The following SHTN1 variants were observed in gnomAD, a reference collection of about 807,000 sequenced individuals.
SHTN1 encodes shootin-1.
In SHTN1, 42 loss-of-function variants were observed where a neutral mutation model predicts 83.1. That is an observed-to-expected ratio of 0.51 (90% CI 0.39 to 0.65). The LOEUF (loss-of-function observed/expected upper bound fraction) is 0.65. SHTN1 is among the 30% of genes least tolerant of loss of function. SHTN1 has a pLI of 0.00. For missense variants in SHTN1, 622 were observed against 737.8 expected (o/e 0.84, Z 1.82); for synonymous variants, 224 against 247.7 (o/e 0.90, Z 0.90).
intron 1 of SHTN1, among the ~76,000 whole-genome samples, chr10:117,074,964 G>T (rs1853131535): frequency 6.6e-6 from 1 of 151,606 alleles, no homozygotes; most frequent in Non-Finnish European, 1.5e-5. Flanking sequence ...GGACATTCAG[G>T]GAATTTAGGA....
chr10:117,117,432 A>T (rs569098903), intron 1 of SHTN1, among the ~76,000 whole-genome samples: 1 of 152,258 alleles, frequency 6.6e-6, no homozygotes, highest in East Asian at 1.9e-4. Context: ...TTCCATGCTC[A>T]TGGGGAAGAA....
chr10:117,031,459 A>G (rs188416766), intron 2 of SHTN1, among the ~76,000 whole-genome samples: 1 of 152,344 alleles, frequency 6.6e-6, no homozygotes, highest in East Asian at 1.9e-4. Flanking sequence ...ACAGAATATT[A>G]TAACACTGTA....
intron 1 of SHTN1, among the ~76,000 whole-genome samples, chr10:117,050,017 A>T (rs919347893): frequency 2.6e-5 from 4 of 152,110 alleles, no homozygotes; most frequent in Admixed American, 6.6e-5. Context: ...AACAGAAATA[A>T]ATGAAACTGA....
intron 9 of SHTN1, among the ~76,000 whole-genome samples, chr10:116,931,135 CAAAAA>C (rs57720678): frequency 7.6e-6 from 1 of 131,170 alleles, no homozygotes; most frequent in African/African-American, 2.9e-5. Context: ...CAAAAGTCTT[CAAAAA>C]AAAAAAAAAA....
chr10:116,899,100 A>C (rs1485075685), intron 16 of SHTN1, among the ~76,000 whole-genome samples: 1 of 152,220 alleles, frequency 6.6e-6, no homozygotes, highest in African/African-American at 2.4e-5. Flanking sequence ...GCCTACCATA[A>C]GGCAGGAATT....
chr10:116,919,008 A>G (rs1454272864), intron 12 of SHTN1, among the ~76,000 whole-genome samples: 2 of 152,304 alleles, frequency 1.3e-5, no homozygotes, highest in Admixed American at 6.5e-5. Flanking sequence ...TTTTAGAGCC[A>G]TAAGTAAGGA....
intron 2 of SHTN1, among the ~76,000 whole-genome samples, chr10:117,039,241 A>G (rs1852547363): frequency 6.6e-6 from 1 of 152,226 alleles, no homozygotes; most frequent in Non-Finnish European, 1.5e-5. Context: ...GCCAATCTGA[A>G]AAGACTTACT....
intron 8 of SHTN1, among the ~76,000 whole-genome samples, chr10:116,944,291 A>G (rs1234724281): frequency 6.6e-6 from 1 of 152,188 alleles, no homozygotes; most frequent in Non-Finnish European, 1.5e-5. Context: ...ATAGCATTTT[A>G]TAGTTTATAC....
intron 11 of SHTN1, among the ~76,000 whole-genome samples, chr10:116,925,604 AT>A (rs556310278): frequency 9.9e-4 from 151 of 152,230 alleles, no homozygotes; most frequent in African/African-American, 3.2e-3. Flanking sequence ...ATATCTGCCT[AT>A]ATCTGTATCT....
chr10:117,007,554 C>CAAAAAAA, upstream of SHTN1, among the ~76,000 whole-genome samples: 1 of 16,370 alleles, frequency 6.1e-5, no homozygotes, highest in Non-Finnish European at 1.2e-4. Context: ...GACTCCATCT[C>CAAAAAAA]AAAAAAAAAA....
chr10:116,947,886 T>C (rs1035304701), intron 7 of SHTN1, among the ~76,000 whole-genome samples: 1 of 152,200 alleles, frequency 6.6e-6, no homozygotes, highest in Non-Finnish European at 1.5e-5. Flanking sequence ...ACAGAAAGAC[T>C]TGGAGAAATG....
At chr10:117,091,801 C>T (rs1853434195) in intron 1 of SHTN1, among the ~76,000 whole-genome samples, 2 of 152,270 alleles carry the variant, frequency 1.3e-5, no homozygotes, top group South Asian at 4.1e-4. Context: ...TAGTGAGTGT[C>T]CTTTCCAGGA....
In SHTN1 at chr10:116,906,662, C is replaced by G; in HGVS notation, c.1445G>C (p.Arg482Pro). The G allele has an allele frequency of 6.2e-7, 1 of 1,613,490 alleles. No homozygotes were observed. Among genetic ancestry groups the G allele is most frequent in the Non-Finnish European group, 8.5e-7 (1 of 1,179,616 alleles). The change falls in exon 15 of 17, where the codon CGT (arginine) becomes CCT (proline). Residue 482 changes from arginine to proline, a missense_variant. Arg to Pro is a moderately radical substitution (Grantham distance 103, BLOSUM62 -2). This residue lies in a region of SHTN1 where 231 missense variants were observed against 251.6 expected (regional missense o/e 0.92). Transcript: ENST00000355371. ...TGCTTCTGCTGTCACCTTTCTGCGA[C>G]GCAAAATCCTTTCTAACTCAGTTTC... ...NSETELERILRRRKVTAEADS... is the reference protein window; with the variant it reads ...NSETELERILPRRKVTAEADS...
At chr10:116,917,631 C>G (rs948124276) in intron 12 of SHTN1, among the ~76,000 whole-genome samples, 3 of 152,186 alleles carry the variant, frequency 2.0e-5, no homozygotes, top group Admixed American at 1.3e-4. Context: ...TGACTGAAAC[C>G]CAATTAAATG....
At chr10:117,028,845 A>G (rs1852366400) in intron 2 of SHTN1, among the ~76,000 whole-genome samples, 1 of 152,176 alleles carries the variant, frequency 6.6e-6, no homozygotes, top group Non-Finnish European at 1.5e-5. Context: ...GCCCTCATGG[A>G]GAACCTCTAC....
chr10:116,930,357 T>C (rs1056884320), intron 9 of SHTN1, among the ~76,000 whole-genome samples: 4 of 152,192 alleles, frequency 2.6e-5, no homozygotes, highest in African/African-American at 4.8e-5. Flanking sequence ...TAGTACCTGA[T>C]AGATACTTTT....
intron 3 of SHTN1, among the ~76,000 whole-genome samples, chr10:116,965,237 C>A (rs1850346402): frequency 6.6e-6 from 1 of 152,112 alleles, no homozygotes. Flanking sequence ...TAGGCCTAGG[C>A]CGGGTGTGGT....
chr10:117,003,528 CAG>C (rs1276374368), intron 1 of SHTN1, among the ~76,000 whole-genome samples: 3 of 151,772 alleles, frequency 2.0e-5, no homozygotes, highest in African/African-American at 7.3e-5. Flanking sequence ...ATTTGTTTGC[CAG>C]AGTGTGGCTT....
intron 3 of SHTN1, 180 bp from the exon 4 acceptor site, chr10:116,960,410 T>C (rs1482732455): frequency 4.1e-6 from 2 of 487,526 alleles, no homozygotes; most frequent in Non-Finnish European, 7.3e-6. Context: ...TATTTGAATG[T>C]AGAAAGAAAC....
Sources: allele counts gnomAD v4.1 joint callset (sites outside exome capture counted in the v4.1 genomes callset), GRCh38; gene constraint gnomAD v4.1.1; regional missense constraint gnomAD v4.1.1; transcripts MANE v1.5; gene names NCBI Gene and HGNC (gene_info 2026-07-23, HGNC 2026-07-21).